ARHGAP18: variants seen among roughly 807,000 people sequenced by gnomAD.
The protein encoded by ARHGAP18 is Rho GTPase activating protein 18, also known as rho GTPase-activating protein 18.
A neutral mutation model predicts 86.2 loss-of-function variants in ARHGAP18; 67 were observed. That is an observed-to-expected ratio of 0.78 (90% CI 0.64 to 0.95). The LOEUF is 0.95. Among genes scored for constraint, ARHGAP18 ranks in the 40% least tolerant of loss-of-function variants. The pLI is 0.00. For synonymous variants in ARHGAP18, 283 were observed against 280.4 expected (o/e 1.01, Z -0.09); for missense variants, 691 against 780.4 (o/e 0.89, Z 1.37).
chr6:129,602,243 T>C (rs377688200), intron 10 of ARHGAP18, among the ~76,000 whole-genome samples: 10 of 152,296 alleles, frequency 6.6e-5, no homozygotes, highest in East Asian at 3.9e-4. Context: ...AGACAGATGC[T>C]GTAATTACCT....
intron 1 of ARHGAP18, among the ~76,000 whole-genome samples, chr6:129,695,902 C>T (rs970855183): frequency 1.3e-5 from 2 of 152,104 alleles, no homozygotes; most frequent in East Asian, 1.9e-4. Flanking sequence ...GCTTCCTAGT[C>T]ACGTATCCTC....
chr6:129,611,411 TG>T, intron 8 of ARHGAP18, 121 bp downstream of exon 8: 1 of 756,914 alleles, frequency 1.3e-6, no homozygotes, highest in Non-Finnish European at 2.1e-6. Flanking sequence ...AAGGTTTTAT[TG>T]TTTTATTTTA....
chr6:129,599,103 C>A (rs918098053), intron 12 of ARHGAP18, 113 bp downstream of exon 12: 2 of 881,322 alleles, frequency 2.3e-6, no homozygotes, highest in Non-Finnish European at 3.2e-6. Context: ...ACAAGTAGCA[C>A]CACAGCCTAA....
intron 1 of ARHGAP18, among the ~76,000 whole-genome samples, chr6:129,654,628 G>A (rs970414897): frequency 1.3e-5 from 2 of 152,118 alleles, no homozygotes; most frequent in Admixed American, 6.5e-5. Context: ...GCGTTGCCCC[G>A]CTAGCTACAG....
intron 1 of ARHGAP18, among the ~76,000 whole-genome samples, chr6:129,699,713 A>G (rs1774680237): frequency 6.6e-6 from 1 of 152,124 alleles, no homozygotes; most frequent in Non-Finnish European, 1.5e-5. Flanking sequence ...ATACAGCTCT[A>G]TCCTCCCCTC....
intron 1 of ARHGAP18, among the ~76,000 whole-genome samples, chr6:129,705,268 A>T (rs1774784879): frequency 6.6e-6 from 1 of 152,228 alleles, no homozygotes; most frequent in Non-Finnish European, 1.5e-5. Flanking sequence ...TCAAGAACTG[A>T]GATAAGCTTA....
chr6:129,653,109 C>T (rs1419397019), intron 1 of ARHGAP18, among the ~76,000 whole-genome samples: 1 of 152,074 alleles, frequency 6.6e-6, no homozygotes, highest in Non-Finnish European at 1.5e-5. Context: ...TGATTATCCA[C>T]TGCAATAAGG....
intron 1 of ARHGAP18, among the ~76,000 whole-genome samples, chr6:129,673,429 G>A (rs78506768): frequency 0.023 from 3,530 of 151,762 alleles, 74 homozygotes; most frequent in Non-Finnish European, 0.035. Flanking sequence ...CAGCATTTTG[G>A]TTTCAAACCA....
At chr6:129,608,260 T>C (rs1788900311) in intron 8 of ARHGAP18, among the ~76,000 whole-genome samples, 4 of 151,982 alleles carry the variant, frequency 2.6e-5, no homozygotes, top group Admixed American at 2.0e-4. Context: ...AACAAAAAAC[T>C]GTACCTAAGG....
At chr6:129,667,592 C>T (rs530229700) in intron 1 of ARHGAP18, among the ~76,000 whole-genome samples, 41 of 151,620 alleles carry the variant, frequency 2.7e-4, no homozygotes, top group African/African-American at 9.4e-4. Context: ...TCTCTACTCA[C>T]ATGAGTAATA....
chr6:129,578,605 C>A lies in ARHGAP18; in HGVS notation c.1901-1G>T. 6.2e-7 allele frequency: 1 copy of A among 1,607,528 alleles called. No homozygotes were observed. Among genetic ancestry groups the A allele is most frequent in the South Asian group, 1.1e-5 (1 of 90,300 alleles). ...GTGTCATCATCAAGGCAGCGTTCCC[C>A]TGTTAAAATAGATGTTGTGTCAGTT... On this transcript the variant is annotated splice_acceptor_variant, in intron 14 of 14. Coordinates refer to ENST00000368149, the MANE Select transcript of ARHGAP18 (RefSeq NM_033515.3). LOFTEE classifies it high-confidence loss of function.
chr6:129,662,497 C>A (rs1003781321), intron 1 of ARHGAP18, among the ~76,000 whole-genome samples: 1 of 152,208 alleles, frequency 6.6e-6, no homozygotes, highest in Non-Finnish European at 1.5e-5. Context: ...CACATTAGCC[C>A]GTGAACACTA....
chr6:129,707,865 C>G (rs993669226), intron 1 of ARHGAP18, among the ~76,000 whole-genome samples: 11 of 151,990 alleles, frequency 7.2e-5, no homozygotes, highest in African/African-American at 2.4e-4. Context: ...TTTAAATAGG[C>G]ATCAACCATC....
At chr6:129,599,516 G>GA (rs1788692933) in intron 11 of ARHGAP18, among the ~76,000 whole-genome samples, 160 bp from the exon 12 acceptor site, 1 of 152,084 alleles carries the variant, frequency 6.6e-6, no homozygotes, top group Non-Finnish European at 1.5e-5. Context: ...TCTGTGAAAA[G>GA]AAAATACTTC....
At chr6:129,657,060 T>C (rs1009089475) in intron 1 of ARHGAP18, among the ~76,000 whole-genome samples, 2 of 152,368 alleles carry the variant, frequency 1.3e-5, no homozygotes, top group East Asian at 1.9e-4. Context: ...AATTTTTCCA[T>C]TGGGCCTTTT....
chr6:129,684,139 G>A (rs1024967891), intron 1 of ARHGAP18, among the ~76,000 whole-genome samples: 4 of 152,262 alleles, frequency 2.6e-5, no homozygotes, highest in East Asian at 1.9e-4. Context: ...GATGTCAGGA[G>A]TGGCAAGGCA....
rs746695909 is a variant in ARHGAP18 at position 129,607,924 on chromosome 6, C to T, written c.1251G>A (p.Val417=). 3 of 1,613,300 alleles carry T rather than the reference C, an allele frequency of 1.9e-6. No homozygotes were observed. In the South Asian group the frequency reaches 3.3e-5, roughly 18 times the overall value. ...IRELPQPLLS[V]EYLKAFQAVQ... ...CAGCCTGAAAGGCTTTGAGATACTC[C>T]ACACTGAGCAGTGGCTGGGGCAACT... Residue 417 remains valine (V), a synonymous_variant, in exon 9 of 15, where the codon GTG becomes GTA. Transcript: ENST00000368149.
At chr6:129,620,761 G>A (rs1267611948) in intron 5 of ARHGAP18, among the ~76,000 whole-genome samples, 1 of 152,182 alleles carries the variant, frequency 6.6e-6, no homozygotes, top group African/African-American at 2.4e-5. Flanking sequence ...TCCTAAAGCA[G>A]TAATTCTCAA....
At chr6:129,681,106 C>T (rs1435899877) in intron 1 of ARHGAP18, among the ~76,000 whole-genome samples, 1 of 152,196 alleles carries the variant, frequency 6.6e-6, no homozygotes, top group Non-Finnish European at 1.5e-5. Context: ...GAGACGAAGT[C>T]TTACTCTGTT....
Sources: allele counts gnomAD v4.1 joint callset (sites outside exome capture counted in the v4.1 genomes callset), GRCh38; gene constraint gnomAD v4.1.1; transcripts MANE v1.5; gene names NCBI Gene and HGNC (gene_info 2026-07-23, HGNC 2026-07-21).